The following ANKFN1 variants were observed in gnomAD, a reference collection of about 807,000 sequenced individuals.
The protein encoded by ANKFN1 is ankyrin repeat and fibronectin type-III domain-containing protein 1.
In ANKFN1, 74 loss-of-function variants were observed where a neutral mutation model predicts 108.7. The observed-to-expected ratio is 0.68, with a 90% CI of 0.56 to 0.83. ANKFN1 has a LOEUF of 0.83. Among genes scored for constraint, ANKFN1 ranks in the 40% least tolerant of loss-of-function variants. The probability of loss-of-function intolerance (pLI) is 0.00; values close to 1 mark genes in which losing one functional copy is unlikely to be tolerated. For synonymous variants in ANKFN1, 547 were observed against 516.2 expected (o/e 1.06, Z -0.81); for missense variants, 1,505 against 1,382.3 (o/e 1.09, Z -1.41).
At chr17:56,266,318 A>G (rs1257392757) in intron 3 of ANKFN1, among the ~76,000 whole-genome samples, 1 of 152,078 alleles carries the variant, frequency 6.6e-6, no homozygotes, top group Admixed American at 6.6e-5. Context: ...TTGTTGTTGA[A>G]TCATCATGAG....
At chr17:56,145,706 C>G (rs1456235028) in intron 4 of ANKFN1, among the ~76,000 whole-genome samples, 1 of 152,180 alleles carries the variant, frequency 6.6e-6, no homozygotes, top group Non-Finnish European at 1.5e-5. Flanking sequence ...TATTCTGCCC[C>G]TGGACCCTCC....
chr17:56,073,856 G>T lies in ANKFN1; in HGVS notation c.288+27531G>T, dbSNP rs564022728. Among the ~76,000 whole-genome samples the T allele has an allele frequency of 2.2e-3, 337 of 152,258 alleles. 2 individuals carry two copies. The highest frequency in any genetic ancestry group is 3.9e-3 in the Non-Finnish European group (264 of 68,014). ...GTATCAGTAGTCCGTTCCTTTTATG[G>T]CTGAATGAGATCATGGTATGCAAAT... On this transcript the variant is annotated intron_variant, in intron 4 of 12. Transcript: ENST00000635860.
At chr17:56,235,780 G>A (rs541706902) in intron 3 of ANKFN1, among the ~76,000 whole-genome samples, 14 of 152,236 alleles carry the variant, frequency 9.2e-5, no homozygotes, top group African/African-American at 3.1e-4. Flanking sequence ...TTTGAAGTTG[G>A]CTAAGGTGAT....
intron 1 of ANKFN1, among the ~76,000 whole-genome samples, chr17:56,198,604 G>C (rs755242588): frequency 6.6e-6 from 1 of 152,120 alleles, no homozygotes; most frequent in Non-Finnish European, 1.5e-5. Context: ...CTTCTTTTTG[G>C]TTTTATTTCC....
At chr17:56,261,028 T>C (rs1486663571) in intron 3 of ANKFN1, among the ~76,000 whole-genome samples, 1 of 152,172 alleles carries the variant, frequency 6.6e-6, no homozygotes, top group Non-Finnish European at 1.5e-5. Flanking sequence ...CCTAAATGGG[T>C]TCTGCATCTT....
intron 15 of ANKFN1, among the ~76,000 whole-genome samples, chr17:56,475,154 A>G (rs16957271): frequency 0.12 from 18,174 of 152,244 alleles, 1,638 homozygotes; most frequent in African/African-American, 0.25. Context: ...TAGCCTTACC[A>G]TTAATTTCAC....
chr17:56,256,969 A>C (rs189671597), intron 3 of ANKFN1, among the ~76,000 whole-genome samples: 74 of 152,330 alleles, frequency 4.9e-4, no homozygotes, highest in African/African-American at 1.7e-3. Flanking sequence ...GCCTAACAGC[A>C]ACATCACAGG....
At chr17:56,230,700 G>C (rs573056203) in intron 3 of ANKFN1, among the ~76,000 whole-genome samples, 6 of 152,062 alleles carry the variant, frequency 3.9e-5, no homozygotes, top group Non-Finnish European at 5.9e-5. Context: ...GGGTGGTATG[G>C]GTGAGAAAGT....
At chr17:56,429,187 A>G (rs905143339) in intron 8 of ANKFN1, among the ~76,000 whole-genome samples, 2 of 152,236 alleles carry the variant, frequency 1.3e-5, no homozygotes, top group African/African-American at 4.8e-5. Context: ...ATAAGTGAAA[A>G]AAATAAAATA....
Position 56,377,852 on chromosome 17 carries a change from T to A in ANKFN1, c.910+3138T>A, listed in dbSNP as rs183129927. Among the ~76,000 whole-genome samples, 28 of 152,106 alleles carry A rather than the reference T, an allele frequency of 1.8e-4. 1 individual carries two copies. The highest frequency in any genetic ancestry group is 6.5e-4 in the African/African-American group (27 of 41,492). On this transcript the variant is annotated intron_variant, in intron 8 of 20. Transcript: ENST00000682825. ...AAGATGAAACATTTTCGAGTTTGTG[T>A]TTTTTTTCTTAATTGGGCCTCGAAG...
At chr17:56,333,624 TG>T (rs59711669) in intron 4 of ANKFN1, among the ~76,000 whole-genome samples, 6,810 of 152,182 alleles carry the variant, frequency 0.045, 502 homozygotes, top group African/African-American at 0.15. Flanking sequence ...TGATAGACAT[TG>T]GTCCATACCT....
chr17:56,350,725 T>A, intron 4 of ANKFN1, 41 bp from the exon 5 acceptor site: 1 of 1,538,514 alleles, frequency 6.5e-7, no homozygotes, highest in Non-Finnish European at 9.0e-7. Context: ...ACTTATAATT[T>A]GTGGTGTAAA....
chr17:56,170,774 T>TTTATATATATATA (rs1555604529), intron 1 of ANKFN1, among the ~76,000 whole-genome samples: 20 of 68,092 alleles, frequency 2.9e-4, no homozygotes, highest in African/African-American at 1.6e-3. Context: ...AAAAAATTTT[T>TTTATATATATATA]TATATATATA....
At chr17:56,394,664 G>C (rs570760689) in intron 8 of ANKFN1, among the ~76,000 whole-genome samples, 21 of 152,094 alleles carry the variant, frequency 1.4e-4, no homozygotes, top group Non-Finnish European at 2.4e-4. Flanking sequence ...TCAGGGACTG[G>C]TGAGCTTCCA....
At chr17:56,097,295 A>G (rs12103834) in intron 4 of ANKFN1, among the ~76,000 whole-genome samples, 42,789 of 152,068 alleles carry the variant, frequency 0.28, 7,833 homozygotes, top group African/African-American at 0.52. Context: ...TGAAGATTGT[A>G]TGGCTAAGAT....
rs1742961718 is a variant in ANKFN1 at position 56,513,955 on chromosome 17, G to A, written c.*2686G>A. ...GCCCAGTTTAAATTAATACATTCTTGTGAGAGACAACTGTGTTCTCTAATT... is the reference window on the plus strand; with the variant it reads ...GCCCAGTTTAAATTAATACATTCTTATGAGAGACAACTGTGTTCTCTAATT... On this transcript the variant is annotated 3_prime_UTR_variant, in exon 21 of 21. Transcript: ENST00000682825. Among the ~76,000 whole-genome samples, 1 of 152,154 alleles carries A rather than the reference G, an allele frequency of 6.6e-6. No individual in the cohort carries two copies. The highest frequency in any genetic ancestry group is 1.5e-5 in the Non-Finnish European group (1 of 68,008).
chr17:56,384,158 G>A (rs1358692885), intron 8 of ANKFN1, among the ~76,000 whole-genome samples: 3 of 152,216 alleles, frequency 2.0e-5, no homozygotes, highest in African/African-American at 7.2e-5. Context: ...TCCCTGGGAT[G>A]CAAGGCTGGC....
chr17:56,294,721 C>T (rs947700844), intron 3 of ANKFN1, among the ~76,000 whole-genome samples: 2 of 152,218 alleles, frequency 1.3e-5, no homozygotes, highest in African/African-American at 4.8e-5. Flanking sequence ...GCAGAAATAG[C>T]AGAAACTTTC....
intron 1 of ANKFN1, chr17:56,184,875 G>C (rs1192697949): frequency 6.6e-6 from 1 of 152,176 alleles, no homozygotes; most frequent in Non-Finnish European, 1.5e-5. Context: ...TGTTACGCCA[G>C]AGTGTTAAAG....
Sources: allele counts gnomAD v4.1 joint callset (sites outside exome capture counted in the v4.1 genomes callset), GRCh38; gene constraint gnomAD v4.1.1; transcripts MANE v1.5; gene names NCBI Gene and HGNC (gene_info 2026-07-23, HGNC 2026-07-21).